Variants in CATSPERB observed in about 807,000 individuals in gnomAD.
The protein encoded by CATSPERB is catsper channel auxiliary subunit beta, also known as cation channel sperm-associated auxiliary subunit beta.
CATSPERB carries 93 observed loss-of-function variants against 128.3 expected under a neutral mutation model. That is an observed-to-expected ratio of 0.72 (90% CI 0.61 to 0.86). CATSPERB has a LOEUF of 0.86. Among genes scored for constraint, CATSPERB ranks in the 40% least tolerant of loss-of-function variants. The pLI is 0.00. For missense variants in CATSPERB, 1,153 were observed against 1,329.5 expected (o/e 0.87, Z 2.06); for synonymous variants, 381 against 448.8 (o/e 0.85, Z 1.91).
At chr14:91,596,483 G>A (rs1403613738) in intron 22 of CATSPERB, among the ~76,000 whole-genome samples, 3 of 152,056 alleles carry the variant, frequency 2.0e-5, no homozygotes, top group Admixed American at 6.5e-5. Context: ...GATTACAGGC[G>A]TGAACCACCA....
chr14:91,726,675 A>G (rs1439373227), intron 2 of CATSPERB, among the ~76,000 whole-genome samples: 1 of 152,240 alleles, frequency 6.6e-6, no homozygotes, highest in Non-Finnish European at 1.5e-5. Context: ...TGCCTTTGTT[A>G]GAAGAACTGT....
At chr14:91,591,576 T>C (rs1385886327) in intron 23 of CATSPERB, among the ~76,000 whole-genome samples, 1 of 151,716 alleles carries the variant, frequency 6.6e-6, no homozygotes, top group African/African-American at 2.4e-5. Flanking sequence ...CATAACCTGG[T>C]ATATGTTTTA....
intron 7 of CATSPERB, among the ~76,000 whole-genome samples, chr14:91,699,366 ACTAT>A: frequency 6.6e-6 from 1 of 152,164 alleles, no homozygotes; most frequent in East Asian, 1.9e-4. Context: ...ACTGCCCAAA[ACTAT>A]CTATAGATTC....
chr14:91,718,136 G>T (rs887747552), intron 5 of CATSPERB, among the ~76,000 whole-genome samples: 1 of 152,278 alleles, frequency 6.6e-6, no homozygotes, highest in East Asian at 1.9e-4. Flanking sequence ...ATTATGCAAA[G>T]CTTCTGGAAT....
intron 15 of CATSPERB, 33 bp downstream of exon 15, chr14:91,659,804 T>A: frequency 6.3e-7 from 1 of 1,582,706 alleles, no homozygotes; most frequent in Non-Finnish European, 8.5e-7. Context: ...GGGCCACATG[T>A]AATGCTTACA....
At chr14:91,639,034 G>A (rs2139805051) in intron 16 of CATSPERB, 62 bp downstream of exon 16, 1 of 1,366,932 alleles carries the variant, frequency 7.3e-7, no homozygotes, top group Non-Finnish European at 1.0e-6. Flanking sequence ...ATTATTCTAT[G>A]TATTGAATGT....
rs1893408435 is a variant in CATSPERB, at chr14:91,591,780, A to G, written c.2820+112T>C. Reference sequence around the variant, plus strand: ...TCGGTGTCATATTTAGCTCTGCATCATAATAAGACATTATTTCTATGTCTT... The same window carrying G: ...TCGGTGTCATATTTAGCTCTGCATCGTAATAAGACATTATTTCTATGTCTT... On this transcript the variant is annotated intron_variant, in intron 23 of 26. Coordinates refer to ENST00000256343, the MANE Select transcript of CATSPERB (RefSeq NM_024764.4). 4 of 737,612 alleles carry G rather than the reference A, an allele frequency of 5.4e-6. No homozygotes were observed. The Admixed American group carries it at 8.9e-5, about 16-fold the overall frequency. 45.7% of individuals were successfully genotyped at this position (737,612 alleles called of 1,614,324 possible). A position where few individuals can be genotyped will look rare whatever the true frequency, so the allele number is the denominator to read the frequency against.
At chr14:91,721,837 G>T (rs1896037231) in intron 4 of CATSPERB, among the ~76,000 whole-genome samples, 1 of 147,998 alleles carries the variant, frequency 6.8e-6, no homozygotes, top group Non-Finnish European at 1.5e-5. Flanking sequence ...GTGACAGAAC[G>T]AGACTCTGTC....
intron 17 of CATSPERB, among the ~76,000 whole-genome samples, chr14:91,629,518 C>T (rs548227476): frequency 5.3e-5 from 8 of 152,178 alleles, no homozygotes; most frequent in Admixed American, 2.6e-4. Context: ...TAGGTACGTA[C>T]GCTGGGTGAT....
chr14:91,710,845 T>A (rs889584565), intron 5 of CATSPERB, among the ~76,000 whole-genome samples: 1 of 152,170 alleles, frequency 6.6e-6, no homozygotes, highest in Non-Finnish European at 1.5e-5. Context: ...TAATTTTTTT[T>A]ACCATATCTT....
intron 26 of CATSPERB, among the ~76,000 whole-genome samples, chr14:91,583,999 C>T (rs1018537807): frequency 9.9e-5 from 15 of 152,148 alleles, no homozygotes; most frequent in Non-Finnish European, 1.8e-4. Context: ...GATCCTCCCT[C>T]GGCCTCCCAA....
At chr14:91,603,075 C>T (rs555710042) in intron 22 of CATSPERB, 2 of 786,138 alleles carry the variant, frequency 2.5e-6, no homozygotes, top group Non-Finnish European at 2.4e-6. Flanking sequence ...TTTGGGCCTG[C>T]TTTTTTACAT....
intron 4 of CATSPERB, 73 bp from the exon 5 acceptor site, chr14:91,719,551 T>A (rs1895995650): frequency 1.7e-6 from 2 of 1,206,076 alleles, no homozygotes; most frequent in Admixed American, 4.1e-5. Context: ...TATGCTATAT[T>A]TTTAAAAGAG....
chr14:91,636,428 G>C lies in CATSPERB; in HGVS notation c.1739C>G (p.Ser580Cys), dbSNP rs143268698. ...CTAAATAAATGCATATCACTACCCA[G>C]AGTGTATCACTTTTCCATAGTGTAT... ...GNIHYGKVIH[S>C]GKTGRAYIRK... The change falls in exon 17 of 27, where the codon TCT (serine) becomes TGT (cysteine). Residue 580 changes from serine to cysteine, a missense_variant. By Grantham distance (112) the Ser-to-Cys change is moderately radical. Coordinates refer to ENST00000256343, the MANE Select transcript of CATSPERB (RefSeq NM_024764.4). 247 of 1,613,724 alleles carry C rather than the reference G, an allele frequency of 1.5e-4. No individual in the cohort carries two copies. The highest frequency in any genetic ancestry group is 1.9e-4 in the Non-Finnish European group (221 of 1,179,812).
chr14:91,665,696 C>T (rs1338276701), intron 14 of CATSPERB, among the ~76,000 whole-genome samples: 1 of 152,036 alleles, frequency 6.6e-6, no homozygotes, highest in Non-Finnish European at 1.5e-5. Flanking sequence ...ATGGTGAAAC[C>T]CCCTCTTTAC....
chr14:91,652,060 G>T (rs1385982440), intron 15 of CATSPERB, among the ~76,000 whole-genome samples: 4 of 152,070 alleles, frequency 2.6e-5, no homozygotes, highest in South Asian at 4.1e-4. Context: ...GAAGTAAAAA[G>T]TGCTAACCAT....
chr14:91,693,519 T>C (rs569080797), intron 7 of CATSPERB, 40 bp from the exon 8 acceptor site: 2 of 1,515,898 alleles, frequency 1.3e-6, no homozygotes, highest in South Asian at 2.3e-5. Context: ...CAGGCAACTT[T>C]ACAAGGTGAG....
chr14:91,622,893 C>CT (rs11432858), intron 18 of CATSPERB, among the ~76,000 whole-genome samples: 97,044 of 127,792 alleles, frequency 0.76, 37,351 homozygotes, highest in East Asian at 0.95. Flanking sequence ...TTCTCAATGA[C>CT]TTTTTTTTTT....
At chr14:91,668,820 A>G (rs1235377484) in intron 14 of CATSPERB, among the ~76,000 whole-genome samples, 1 of 152,120 alleles carries the variant, frequency 6.6e-6, no homozygotes, top group Admixed American at 6.5e-5. Flanking sequence ...CACCCACCAG[A>G]AGGAAGAAAC....
Sources: allele counts gnomAD v4.1 joint callset (sites outside exome capture counted in the v4.1 genomes callset), GRCh38; gene constraint gnomAD v4.1.1; transcripts MANE v1.5; gene names NCBI Gene and HGNC (gene_info 2026-07-23, HGNC 2026-07-21).